The following RBM19 variants were observed in gnomAD, a reference collection of about 807,000 sequenced individuals.
The protein encoded by RBM19 is RNA binding motif protein 19, also known as probable RNA-binding protein 19.
A neutral mutation model predicts 116.8 loss-of-function variants in RBM19; 94 were observed. The ratio of observed to expected loss-of-function variants is 0.80; its 90% CI spans 0.68 to 0.95. The LOEUF is 0.95. RBM19 is among the 40% of genes least tolerant of loss of function. The pLI, the probability that RBM19 is intolerant of heterozygous loss-of-function variation, is 0.00. For missense variants in RBM19, 1,161 were observed against 1,220.7 expected, an observed-to-expected ratio of 0.95 and a Z score of 0.73; for synonymous variants, 475 against 494.1, an observed-to-expected ratio of 0.96 and a Z score of 0.51.
intron 6 of RBM19, among the ~76,000 whole-genome samples, chr12:113,957,281 A>G (rs914997454): frequency 2.6e-4 from 39 of 152,224 alleles, no homozygotes; most frequent in Admixed American, 2.0e-4. Context: ...TAGCAACAGA[A>G]AATAAATGCA....
At chr12:113,842,893 G>T (rs1185039785) in intron 23 of RBM19, among the ~76,000 whole-genome samples, 2 of 152,228 alleles carry the variant, frequency 1.3e-5, no homozygotes, top group Non-Finnish European at 2.9e-5. Context: ...TGGAGTCTGG[G>T]GAACAATGAA....
At chr12:113,884,367 C>A (rs1285488983) in intron 21 of RBM19, among the ~76,000 whole-genome samples, 1 of 151,500 alleles carries the variant, frequency 6.6e-6, no homozygotes, top group Admixed American at 6.6e-5. Flanking sequence ...GGTTCTCAAT[C>A]AGGCAATTTT....
At position 113,898,543 on chromosome 12, in the gene RBM19, T is replaced by C. The variant is rs940168440; in HGVS notation, c.2558+16426A>G. The stretch of plus-strand genomic sequence containing the variant: ...ATTCATAATTTCAATAACACTACAA[T>C]GCTAACTTTTATTTTTAAGTGATCA... On this transcript the variant is annotated intron_variant, in intron 21 of 23. Transcript: ENST00000261741. This position sits in a 1 kb window ranked among gnomAD's most constrained non-coding sequence, Gnocchi z 4.3. Among the ~76,000 whole-genome samples the C allele has an allele frequency of 6.6e-6, 1 of 152,218 alleles. No homozygotes were observed. Among genetic ancestry groups the C allele is most frequent in the Admixed American group, 6.5e-5 (1 of 15,286 alleles).
chr12:113,851,607 G>A (rs1251663696), intron 22 of RBM19, among the ~76,000 whole-genome samples: 1 of 152,162 alleles, frequency 6.6e-6, no homozygotes, highest in African/African-American at 2.4e-5. Context: ...GCAAAATGGG[G>A]GTGCTTCAGC....
intron 21 of RBM19, among the ~76,000 whole-genome samples, chr12:113,913,246 T>C (rs1882560493): frequency 6.6e-6 from 1 of 152,218 alleles, no homozygotes; most frequent in South Asian, 2.1e-4. Context: ...CGTTTTAATC[T>C]GGCAGTTCTT....
chr12:113,959,152 G>T, intron 5 of RBM19, 60 bp downstream of exon 5: 2 of 1,551,734 alleles, frequency 1.3e-6, no homozygotes, highest in Admixed American at 3.5e-5. Flanking sequence ...CCCAGTGCCG[G>T]TTAGCCCAAT....
chr12:113,939,052 C>T (rs1324692670), intron 15 of RBM19, among the ~76,000 whole-genome samples: 1 of 152,224 alleles, frequency 6.6e-6, no homozygotes, highest in Non-Finnish European at 1.5e-5. Flanking sequence ...ACCTACAGAA[C>T]TGACTTTCAT....
intron 21 of RBM19, among the ~76,000 whole-genome samples, chr12:113,861,236 CG>C (rs745577222): frequency 3.5e-4 from 53 of 152,306 alleles, no homozygotes; most frequent in Middle Eastern, 3.4e-3. Flanking sequence ...TCCCGAGTCT[CG>C]GCCAGGTCTG....
chr12:113,929,609 A>C (rs986689027), intron 16 of RBM19, among the ~76,000 whole-genome samples: 3 of 152,228 alleles, frequency 2.0e-5, no homozygotes, highest in Non-Finnish European at 2.9e-5. Flanking sequence ...CTGGACCAGA[A>C]CTTCAATGGA....
At chr12:113,861,992 A>G (rs1442019208) in intron 21 of RBM19, among the ~76,000 whole-genome samples, 1 of 152,228 alleles carries the variant, frequency 6.6e-6, no homozygotes, top group Non-Finnish European at 1.5e-5. Flanking sequence ...GAGTCAGAGA[A>G]ATGGCTACAG....
chr12:113,959,586 G>C (rs190833245), intron 4 of RBM19, among the ~76,000 whole-genome samples, 182 bp from the exon 5 acceptor site: 8 of 152,294 alleles, frequency 5.3e-5, no homozygotes, highest in Admixed American at 5.2e-4. Flanking sequence ...GGAAGGCAGA[G>C]TTGACTCCTC....
chr12:113,913,200 T>G (rs1333239905), intron 21 of RBM19, among the ~76,000 whole-genome samples: 2 of 152,160 alleles, frequency 1.3e-5, no homozygotes, highest in Non-Finnish European at 2.9e-5. Context: ...AGCGGGATAT[T>G]ATTTCCCGAT....
chr12:113,909,863 C>T (rs1368729819), intron 21 of RBM19, among the ~76,000 whole-genome samples: 1 of 152,264 alleles, frequency 6.6e-6, no homozygotes, highest in Middle Eastern at 3.4e-3. Context: ...TTCATGAGCC[C>T]GGCACTACGC....
chr12:113,906,753 C>T (rs771702712), intron 21 of RBM19, among the ~76,000 whole-genome samples: 3 of 151,888 alleles, frequency 2.0e-5, no homozygotes, highest in Non-Finnish European at 4.4e-5. Flanking sequence ...CCTAACTGCC[C>T]AGTCTAAGAT....
Position 113,940,034 on chromosome 12 carries a change from C to G in RBM19, c.1864G>C (p.Gly622Arg). The change falls in exon 15 of 24, where the codon GGA becomes CGA. Residue 622 changes from glycine to arginine, a missense_variant. Coordinates refer to ENST00000261741, the MANE Select transcript of RBM19 (RefSeq NM_016196.4). Reference protein sequence around the residue: ...SLGRVLLPEGGITAIVEFLEP... With the variant: ...SLGRVLLPEGRITAIVEFLEP... ...AGGAACTCCACGATGGCAGTGATTC[C>G]GCCCTCTGGCAGCAGCACGCGGCCC... is the stretch of plus-strand genomic sequence containing the variant. 6.2e-7 allele frequency: 1 copy of G among 1,614,108 alleles called. No individual in the cohort carries two copies. The highest frequency in any genetic ancestry group is 1.1e-5 in the South Asian group (1 of 91,080).
At chr12:113,895,623 G>C in intron 21 of RBM19, among the ~76,000 whole-genome samples, 1 of 152,162 alleles carries the variant, frequency 6.6e-6, no homozygotes, top group South Asian at 2.1e-4. Flanking sequence ...AAAATGCAAA[G>C]ACAAAGATCT....
At chr12:113,946,319 G>C in intron 12 of RBM19, 35 bp downstream of exon 12, 1 of 1,613,956 alleles carries the variant, frequency 6.2e-7, no homozygotes, top group Non-Finnish European at 8.5e-7. Context: ...AGAGGGTTGG[G>C]GTTGGAGCTC....
intron 18 of RBM19, among the ~76,000 whole-genome samples, chr12:113,922,764 A>G (rs1868705516): frequency 1.3e-5 from 2 of 152,166 alleles, no homozygotes; most frequent in African/African-American, 4.8e-5. Flanking sequence ...CCAGACTCAC[A>G]TGTAGAATCC....
At chr12:113,881,297 G>C (rs1981937) in intron 21 of RBM19, among the ~76,000 whole-genome samples, 4,507 of 152,252 alleles carry the variant, frequency 0.03, 97 homozygotes, top group Non-Finnish European at 0.046. Context: ...ATAATTTAAC[G>C]ATCTGTCGTG....
Sources: allele counts gnomAD v4.1 joint callset (sites outside exome capture counted in the v4.1 genomes callset), GRCh38; gene constraint gnomAD v4.1.1; non-coding constraint Gnocchi (gnomAD v3.1); transcripts MANE v1.5; gene names NCBI Gene and HGNC (gene_info 2026-07-23, HGNC 2026-07-21).